Variants in FGF14 observed in about 807,000 individuals in gnomAD.
FGF14 encodes the protein fibroblast growth factor 14, also known as fibroblast growth factor homologous factor 4.
Under a neutral mutation model 25.5 loss-of-function variants are expected in FGF14, and 5 were observed. The ratio of observed to expected loss-of-function variants is 0.20; its 90% confidence interval spans 0.10 to 0.41. The LOEUF is 0.41. FGF14 is among the 10% of genes least tolerant of loss of function. FGF14 has a pLI of 1.00. For missense variants in FGF14, 222 were observed against 320.1 expected, an observed-to-expected ratio of 0.69 and a Z score of 2.34; for synonymous variants, 138 against 118.3, an observed-to-expected ratio of 1.17 and a Z score of -1.08.
chr13:102,375,577 G>A (rs143066972), intron 1 of FGF14, among the ~76,000 whole-genome samples: 87 of 152,014 alleles, frequency 5.7e-4, no homozygotes, highest in African/African-American at 1.8e-3. Flanking sequence ...ATAAATACTC[G>A]AAATTCAATA....
intron 1 of FGF14, among the ~76,000 whole-genome samples, chr13:101,966,106 A>T (rs540002806): frequency 2.6e-5 from 4 of 152,212 alleles, no homozygotes; most frequent in Non-Finnish European, 4.4e-5. Context: ...AAAAAATGAT[A>T]AGTTGAAGTT....
intron 3 of FGF14, among the ~76,000 whole-genome samples, chr13:101,854,242 AT>A (rs1234376203): frequency 6.6e-6 from 1 of 152,112 alleles, no homozygotes; most frequent in Non-Finnish European, 1.5e-5. Context: ...TTTATGCATA[AT>A]TATAAATGCT....
At chr13:102,380,262 A>G (rs1595005627) in intron 1 of FGF14, among the ~76,000 whole-genome samples, 1 of 152,180 alleles carries the variant, frequency 6.6e-6, no homozygotes, top group East Asian at 1.9e-4. Context: ...CCAAGTAAAC[A>G]GAATGTCATG....
At chr13:101,907,803 G>A (rs1228710776) in intron 1 of FGF14, among the ~76,000 whole-genome samples, 1 of 152,148 alleles carries the variant, frequency 6.6e-6, no homozygotes, top group Admixed American at 6.6e-5. Flanking sequence ...GGATAACACA[G>A]TAGGATGATG....
In FGF14 at chr13:101,794,824, G is replaced by C. The variant is rs1594274465; in HGVS notation, c.409-68014C>G. 2.0e-5 allele frequency among the ~76,000 whole-genome samples: 3 copies of C among 152,022 alleles called. No individual in the cohort carries two copies. In the South Asian group the frequency reaches 6.2e-4, roughly 32 times the overall value. On this transcript the variant is annotated intron_variant, in intron 3 of 4. Coordinates refer to ENST00000376143, the MANE Select transcript of FGF14 (RefSeq NM_004115.4). Reference sequence around the variant, plus strand: ...TTATTAGGGGAAGTTTATCGAAACAGATGTTTATGCTATTTCCTATAAACT... The same window carrying C: ...TTATTAGGGGAAGTTTATCGAAACACATGTTTATGCTATTTCCTATAAACT...
chr13:101,974,121 GA>G (rs2037780800), intron 1 of FGF14, among the ~76,000 whole-genome samples: 1 of 152,212 alleles, frequency 6.6e-6, no homozygotes, highest in South Asian at 2.1e-4. Context: ...ACTCAGTCAA[GA>G]GAGAATAAGT....
chr13:102,374,687 T>TC (rs1274465870), intron 1 of FGF14, among the ~76,000 whole-genome samples: 15 of 124,942 alleles, frequency 1.2e-4, no homozygotes, highest in Admixed American at 1.1e-3. Flanking sequence ...TATATATATA[T>TC]ATATATATAT....
intron 1 of FGF14, among the ~76,000 whole-genome samples, chr13:101,923,654 C>T (rs11838857): frequency 2.0e-5 from 3 of 151,880 alleles, no homozygotes; most frequent in African/African-American, 7.2e-5. Flanking sequence ...TTAAATAATT[C>T]TAAATTAGAT....
chr13:102,155,058 A>G (rs1448462599), intron 1 of FGF14, among the ~76,000 whole-genome samples: 1 of 152,192 alleles, frequency 6.6e-6, no homozygotes, highest in Non-Finnish European at 1.5e-5. Context: ...CCACACAATA[A>G]TAATGGGAGA....
At chr13:101,800,046 G>A (rs535961089) in intron 3 of FGF14, among the ~76,000 whole-genome samples, 2 of 152,084 alleles carry the variant, frequency 1.3e-5, no homozygotes, top group African/African-American at 4.8e-5. Context: ...CCACAGACAC[G>A]TCTCCATAGA....
At chr13:101,816,218 C>G (rs977545187) in intron 3 of FGF14, among the ~76,000 whole-genome samples, 2 of 147,212 alleles carry the variant, frequency 1.4e-5, no homozygotes, top group African/African-American at 2.6e-5. Context: ...TGCAGTGAGC[C>G]GAGATCGCGC....
At chr13:101,746,418 G>A (rs1470355245) in intron 3 of FGF14, among the ~76,000 whole-genome samples, 2 of 151,920 alleles carry the variant, frequency 1.3e-5, no homozygotes, top group Non-Finnish European at 2.9e-5. Context: ...CTTATATACT[G>A]ACAGTATTTA....
intron 1 of FGF14, among the ~76,000 whole-genome samples, chr13:102,226,816 A>T (rs2050845596): frequency 6.6e-6 from 1 of 152,154 alleles, no homozygotes; most frequent in Non-Finnish European, 1.5e-5. Flanking sequence ...TTTCTCATGA[A>T]CAGCCACCAG....
At chr13:101,892,353 T>C (rs965820428) in intron 1 of FGF14, among the ~76,000 whole-genome samples, 27 of 152,180 alleles carry the variant, frequency 1.8e-4, no homozygotes, top group African/African-American at 6.0e-4. Context: ...CTCATCCTTA[T>C]TGTTTACCAT....
intron 1 of FGF14, among the ~76,000 whole-genome samples, chr13:102,277,164 G>A (rs1359127826): frequency 1.3e-5 from 2 of 152,188 alleles, no homozygotes; most frequent in East Asian, 3.9e-4. Context: ...GATTGTGGTT[G>A]ACGAAAATTG....
At chr13:101,928,309 C>T (rs2034510499) in intron 1 of FGF14, among the ~76,000 whole-genome samples, 1 of 152,018 alleles carries the variant, frequency 6.6e-6, no homozygotes. Context: ...TTAACATAAT[C>T]GAGGACCATT....
chr13:101,925,801 GC>G (rs1408137672), intron 1 of FGF14, among the ~76,000 whole-genome samples: 1 of 152,116 alleles, frequency 6.6e-6, no homozygotes, highest in African/African-American at 2.4e-5. Flanking sequence ...TTCCAGTTCT[GC>G]AGGTAGACAG....
At chr13:101,731,544 G>T (rs1042002466) in intron 3 of FGF14, among the ~76,000 whole-genome samples, 2 of 152,276 alleles carry the variant, frequency 1.3e-5, no homozygotes, top group Non-Finnish European at 1.5e-5. Context: ...ACCATCTGTG[G>T]TGTACTTATT....
intron 1 of FGF14, among the ~76,000 whole-genome samples, chr13:101,895,033 A>C (rs1363338435): frequency 6.6e-6 from 1 of 152,194 alleles, no homozygotes; most frequent in Non-Finnish European, 1.5e-5. Flanking sequence ...CAAATCATTA[A>C]ATCTGGAACT....
Sources: allele counts gnomAD v4.1 joint callset (sites outside exome capture counted in the v4.1 genomes callset), GRCh38; gene constraint gnomAD v4.1.1; transcripts MANE v1.5; gene names NCBI Gene and HGNC (gene_info 2026-07-23, HGNC 2026-07-21).